The following ADAMTS16 variants were observed in gnomAD, a reference collection of about 807,000 sequenced individuals.
ADAMTS16 encodes A disintegrin and metalloproteinase with thrombospondin motifs 16.
In ADAMTS16, 94 loss-of-function variants were observed where a neutral mutation model predicts 145.8. The observed-to-expected ratio is 0.64, with a 90% CI of 0.55 to 0.77. ADAMTS16 has a LOEUF of 0.77. ADAMTS16 is among the 30% of genes least tolerant of loss of function. The pLI is 0.00. For synonymous variants in ADAMTS16, 659 were observed against 604.3 expected, an observed-to-expected ratio of 1.09 and a Z score of -1.33; for missense variants, 1,585 against 1,591.5, an observed-to-expected ratio of 1.00 and a Z score of 0.07.
intron 2 of ADAMTS16, among the ~76,000 whole-genome samples, chr5:5,145,618 C>T (rs1734273289): frequency 6.6e-6 from 1 of 152,140 alleles, no homozygotes; most frequent in Non-Finnish European, 1.5e-5. Flanking sequence ...TATATGTGCC[C>T]CCAGTAAAGG....
At chr5:5,271,366 C>G (rs990438579) in intron 18 of ADAMTS16, among the ~76,000 whole-genome samples, 1 of 152,204 alleles carries the variant, frequency 6.6e-6, no homozygotes, top group South Asian at 2.1e-4. Flanking sequence ...CCTCCAGGAC[C>G]GGGGAGCTGT....
Position 5,190,234 on chromosome 5 carries a change from A to G in ADAMTS16, c.1207+104A>G, listed in dbSNP as rs529152467. On this transcript the variant is annotated intron_variant, in intron 7 of 22. Transcript: ENST00000274181. Reference sequence around the variant, plus strand: ...CCCTTGTTCCTTGTTAATAAGCAGTAGCAGCTTCTTAGTGAAGGTGTAAAG... The same window carrying G: ...CCCTTGTTCCTTGTTAATAAGCAGTGGCAGCTTCTTAGTGAAGGTGTAAAG... The G allele has an allele frequency of 1.4e-4, 181 of 1,280,190 alleles. No individual in the cohort carries two copies. The African/African-American group carries it at 2.6e-3, about 18-fold the overall frequency. 79.3% of individuals were successfully genotyped at this position (1,280,190 alleles called of 1,614,324 possible). A position where few individuals can be genotyped will look rare whatever the true frequency, so the allele number is the denominator to read the frequency against.
chr5:5,158,731 A>G (rs1291661329), intron 3 of ADAMTS16, among the ~76,000 whole-genome samples: 1 of 152,242 alleles, frequency 6.6e-6, no homozygotes, highest in African/African-American at 2.4e-5. Context: ...ACTTTAAGTA[A>G]CATGATATGA....
At chr5:5,306,053 C>T (rs1024970963) in intron 20 of ADAMTS16, among the ~76,000 whole-genome samples, 1 of 152,238 alleles carries the variant, frequency 6.6e-6, no homozygotes, top group Non-Finnish European at 1.5e-5. Context: ...GCAGGCAGCA[C>T]TCAGATGCCT....
chr5:5,227,572 C>T (rs1336147132), intron 11 of ADAMTS16, among the ~76,000 whole-genome samples: 1 of 151,392 alleles, frequency 6.6e-6, no homozygotes, highest in East Asian at 1.9e-4. Flanking sequence ...TATATTTCCC[C>T]CAACCTCCTT....
chr5:5,186,367 T>C (rs1719400733), intron 5 of ADAMTS16, 116 bp downstream of exon 5: 1 of 941,446 alleles, frequency 1.1e-6, no homozygotes, highest in African/African-American at 1.6e-5. Flanking sequence ...TGGATTGATG[T>C]TCCATATATG....
intron 3 of ADAMTS16, among the ~76,000 whole-genome samples, chr5:5,165,203 A>G (rs1046864071): frequency 6.6e-6 from 1 of 151,970 alleles, no homozygotes; most frequent in Non-Finnish European, 1.5e-5. Flanking sequence ...ATCACACAAC[A>G]CTGGGTCCTC....
At chr5:5,303,522 T>A (rs751776202) in intron 19 of ADAMTS16, 50 bp from the exon 20 acceptor site, 1 of 1,608,642 alleles carries the variant, frequency 6.2e-7, no homozygotes, top group Non-Finnish European at 8.5e-7. Context: ...CATGATCTGC[T>A]GTGTTGCACA....
At chr5:5,289,267 G>A (rs558624609) in intron 18 of ADAMTS16, among the ~76,000 whole-genome samples, 1 of 152,332 alleles carries the variant, frequency 6.6e-6, no homozygotes, top group East Asian at 1.9e-4. Context: ...GATTCTGCGT[G>A]GCTGTTAATA....
Position 5,237,005 on chromosome 5 carries a change from G to A in ADAMTS16, c.2060G>A (p.Gly687Glu), listed in dbSNP as rs536952539. The A allele has an allele frequency of 3.1e-6, 5 of 1,613,894 alleles. No homozygotes were observed. Among genetic ancestry groups the A allele is most frequent in the African/African-American group, 2.7e-5 (2 of 75,042 alleles). Residue 687 changes from glycine to glutamate, a missense_variant, in exon 14 of 23, where the codon GGA becomes GAA. This residue lies in a region of ADAMTS16 where 834 missense variants were observed against 811.7 expected (regional missense o/e 1.03). Transcript: ENST00000274181. Reference sequence around the variant, plus strand: ...TGCAAACTCTACTGTATCGCAGAAGGATTTGATTTCTTCTTTTCTTTGTCA... The same window carrying A: ...TGCAAACTCTACTGTATCGCAGAAGAATTTGATTTCTTCTTTTCTTTGTCA... Reference protein sequence around the residue: ...DLCKLYCIAEGFDFFFSLSNK... With the variant: ...DLCKLYCIAEEFDFFFSLSNK...
intron 12 of ADAMTS16, among the ~76,000 whole-genome samples, chr5:5,233,517 G>A (rs1034210293): frequency 6.6e-6 from 1 of 152,130 alleles, no homozygotes; most frequent in Non-Finnish European, 1.5e-5. Flanking sequence ...ACAGGCCACA[G>A]TGTGTATTGT....
At chr5:5,292,502 A>AATG (rs978590354) in intron 18 of ADAMTS16, among the ~76,000 whole-genome samples, 3 of 8,406 alleles carry the variant, frequency 3.6e-4, no homozygotes, top group African/African-American at 1.6e-3. Context: ...CAGCTCAAAT[A>AATG]ATAATAATAA....
rs530325372 is a variant in ADAMTS16 at position 5,173,486 on chromosome 5, A to G, written c.502-8558A>G. Among the ~76,000 whole-genome samples, 17 of 133,578 alleles carry G rather than the reference A, an allele frequency of 1.3e-4. No homozygotes were observed. In the East Asian group the frequency reaches 3.8e-3, roughly 30 times the overall value. The allele number at this position is 133,578 out of a possible 152,430, so 87.6% of individuals were successfully genotyped here. A position where few individuals can be genotyped will look rare whatever the true frequency, so the allele number is the denominator to read the frequency against. On this transcript the variant is annotated intron_variant, in intron 3 of 22. Transcript: ENST00000274181. Reference sequence around the variant, plus strand: ...TTATAACTCATTACTTTTTTTTTTTATTTTTGAGACGGAGTCTCACTCTGT... The same window carrying G: ...TTATAACTCATTACTTTTTTTTTTTGTTTTTGAGACGGAGTCTCACTCTGT...
intron 18 of ADAMTS16, among the ~76,000 whole-genome samples, chr5:5,302,089 T>C (rs935846790): frequency 2.0e-5 from 3 of 152,132 alleles, no homozygotes; most frequent in Non-Finnish European, 2.9e-5. Flanking sequence ...GGCGCCATGT[T>C]TCCCCCTTCC....
intron 20 of ADAMTS16, among the ~76,000 whole-genome samples, chr5:5,305,063 CCACACA>C (rs746089868): frequency 1.4e-4 from 7 of 51,260 alleles, no homozygotes; most frequent in African/African-American, 3.7e-4. Flanking sequence ...ACATCCCACA[CCACACA>C]CACACACACA....
chr5:5,142,089 C>A (rs1473200196), intron 2 of ADAMTS16: 2 of 151,286 alleles, frequency 1.3e-5, no homozygotes, highest in Non-Finnish European at 2.9e-5. Context: ...AATTCTAGTT[C>A]CCTAAAACCA....
intron 7 of ADAMTS16, among the ~76,000 whole-genome samples, chr5:5,191,365 A>G (rs932492106): frequency 6.6e-6 from 1 of 152,058 alleles, no homozygotes; most frequent in African/African-American, 2.4e-5. Flanking sequence ...ACCTTCCTCC[A>G]TCTGCAATAG....
Position 5,209,198 on chromosome 5 carries a change from G to T in ADAMTS16, c.1557G>T (p.Lys519Asn). The part of the protein sequence containing the change: ...GELYDANTQC[K>N]WQFGEKAKLC... The stretch of plus-strand genomic sequence containing the variant: ...TATATGATGCAAACACACAGTGCAA[G>T]TGGCAGTTCGGAGAGAAAGCCAAGC... The change falls in exon 10 of 23, where the codon AAG becomes AAT. Residue 519 changes from lysine to asparagine, a missense_variant. By Grantham distance (94) the Lys-to-Asn change is moderately conservative. Around this residue, in one of 3 missense-constraint regions of ADAMTS16, gnomAD observed 298 missense variants for 367.6 expected, o/e 0.81. Coordinates refer to ENST00000274181, the MANE Select transcript of ADAMTS16 (RefSeq NM_139056.4). 6.2e-7 allele frequency: 1 copy of T among 1,614,058 alleles called. No homozygotes were observed. The highest frequency in any genetic ancestry group is 8.5e-7 in the Non-Finnish European group (1 of 1,179,908).
At chr5:5,208,402 A>G (rs1362663853) in intron 9 of ADAMTS16, among the ~76,000 whole-genome samples, 1 of 152,266 alleles carries the variant, frequency 6.6e-6, no homozygotes, top group Non-Finnish European at 1.5e-5. Context: ...GTTTAAATAC[A>G]CTTTCCCAAA....
Sources: gnomAD v4.1 joint callset for allele counts (sites outside exome capture counted in the v4.1 genomes callset) on GRCh38, gnomAD v4.1.1 for gene constraint, gnomAD v4.1.1 regional missense constraint, MANE v1.5 for transcripts, NCBI Gene and HGNC (gene_info 2026-07-23, HGNC 2026-07-21) for gene names.